RBM33: variants seen among roughly 807,000 people sequenced by gnomAD.
RBM33 encodes the protein RNA binding motif protein 33, also known as RNA-binding protein 33.
RBM33 carries 28 observed loss-of-function variants against 132.6 expected under a neutral mutation model. The ratio of observed to expected loss-of-function variants is 0.21; its 90% CI spans 0.16 to 0.29. The LOEUF is 0.29. RBM33 is among the 10% of genes least tolerant of loss of function. RBM33 has a pLI of 1.00. For synonymous variants in RBM33, 634 were observed against 593.0 expected (o/e 1.07, Z -1.01); for missense variants, 1,291 against 1,518.5 (o/e 0.85, Z 2.49).
chr7:155,665,218 G>T lies in RBM33; in HGVS notation c.87G>T (p.Ser29=), dbSNP rs374634280. The T allele has an allele frequency of 3.7e-6, 6 of 1,613,876 alleles. No homozygotes were observed. The South Asian group carries it at 5.5e-5, about 15-fold the overall frequency. The change falls in exon 2 of 18, where the codon TCG becomes TCT. Residue 29 remains serine (S), a synonymous_variant. Transcript: ENST00000401878. ...DQFDKPGAER[S]WRRRAADEDW... ...TTGATAAGCCTGGCGCGGAACGGTC[G>T]TGGAGAAGAAGAGCTGCTGATGAGG...
chr7:155,766,769 CT>C (rs1464953143), intron 16 of RBM33, 114 bp downstream of exon 16: 2 of 1,013,634 alleles, frequency 2.0e-6, no homozygotes, highest in African/African-American at 3.3e-5. Context: ...TAAAATAATA[CT>C]TGGGAAGTAA....
chr7:155,776,259 C>G lies in RBM33; in HGVS notation c.*1218C>G, dbSNP rs1019138488. 4 of 152,726 alleles carry G rather than the reference C, an allele frequency of 2.6e-5. No homozygotes were observed. The highest frequency in any genetic ancestry group is 9.6e-5 in the African/African-American group (4 of 41,574). 9.5% of individuals were successfully genotyped at this position (152,726 alleles called of 1,614,324 possible). ...ATTTTGGATATATTCTAAAGTGGAC[C>G]TGAGCTATTTGAGCAAATAATGATA... On this transcript the variant is annotated 3_prime_UTR_variant, in exon 18 of 18. Coordinates refer to ENST00000401878, the MANE Select transcript of RBM33 (RefSeq NM_053043.3). This position sits in a 1 kb window ranked among gnomAD's most constrained non-coding sequence, Gnocchi z 4.0.
intron 14 of RBM33, among the ~76,000 whole-genome samples, chr7:155,762,921 T>C (rs73167198): frequency 0.068 from 10,377 of 152,260 alleles, 567 homozygotes; most frequent in African/African-American, 0.15. Context: ...GTGTCTGCCG[T>C]CCTTGCTGTT....
Position 155,774,553 on chromosome 7 carries a change from C to T in RBM33, c.3376-6C>T. The T allele has an allele frequency of 1.2e-6, 2 of 1,607,694 alleles. No individual in the cohort carries two copies. The highest frequency in any genetic ancestry group is 1.7e-6 in the Non-Finnish European group (2 of 1,174,270). On this transcript the variant is annotated splice_region_variant and splice_polypyrimidine_tract_variant and intron_variant, in intron 16 of 17. Transcript: ENST00000401878. This position sits in a 1 kb window ranked among gnomAD's most constrained non-coding sequence, Gnocchi z 4.2. ...TGATCTTAAAGTGTTTGTTTTCTTC[C>T]TCTAGAGTTTACAGATGCTTCCTCA...
At chr7:155,671,284 A>G (rs1173820844) in intron 2 of RBM33, among the ~76,000 whole-genome samples, 2 of 152,222 alleles carry the variant, frequency 1.3e-5, no homozygotes, top group Non-Finnish European at 2.9e-5. Flanking sequence ...ATTCTCTTAT[A>G]ACTATCCTAT....
At chr7:155,726,683 C>G (rs921178677) in intron 9 of RBM33, among the ~76,000 whole-genome samples, 2 of 152,044 alleles carry the variant, frequency 1.3e-5, no homozygotes, top group African/African-American at 2.4e-5. Flanking sequence ...AATGTAGTAC[C>G]CTTATTCCCA....
chr7:155,645,734 A>C (rs1310804747), intron 1 of RBM33, among the ~76,000 whole-genome samples: 1 of 152,258 alleles, frequency 6.6e-6, no homozygotes, highest in Non-Finnish European at 1.5e-5. Flanking sequence ...AAACTTTGAA[A>C]AGATGGTAAA....
intron 14 of RBM33, among the ~76,000 whole-genome samples, chr7:155,746,240 T>C (rs185651369): frequency 6.6e-6 from 1 of 152,230 alleles, no homozygotes; most frequent in Non-Finnish European, 1.5e-5. Flanking sequence ...TTGTGGTGTA[T>C]AGCTTTAGAC....
At chr7:155,718,507 T>C in intron 9 of RBM33, 64 bp downstream of exon 9, 1 of 1,343,414 alleles carries the variant, frequency 7.4e-7, no homozygotes, top group Non-Finnish European at 1.1e-6. Context: ...GAAATATTAA[T>C]ATAGCAAGTG....
intron 1 of RBM33, among the ~76,000 whole-genome samples, chr7:155,656,223 G>A (rs145517692): frequency 6.2e-4 from 95 of 152,314 alleles, no homozygotes; most frequent in African/African-American, 2.2e-3. Context: ...TAACCAGTGT[G>A]ATTTTGTATA....
At chr7:155,760,326 G>A (rs141145059) in intron 14 of RBM33, among the ~76,000 whole-genome samples, 173 of 152,306 alleles carry the variant, frequency 1.1e-3, no homozygotes, top group African/African-American at 4.1e-3. Flanking sequence ...GTCCTTCTTA[G>A]AGAGCAAACC....
At chr7:155,761,652 A>T (rs1314756389) in intron 14 of RBM33, among the ~76,000 whole-genome samples, 1 of 151,982 alleles carries the variant, frequency 6.6e-6, no homozygotes, top group Admixed American at 6.5e-5. Context: ...TTATTTTGGT[A>T]ATTCATCTTC....
At chr7:155,713,515 G>GAGCAACCCCC (rs2116981391) in intron 8 of RBM33, among the ~76,000 whole-genome samples, 1 of 152,208 alleles carries the variant, frequency 6.6e-6, no homozygotes, top group African/African-American at 2.4e-5. Flanking sequence ...CAAAGGAGCC[G>GAGCAACCCCC]AGAGGGAGGA....
chr7:155,663,869 A>G (rs2116889181), intron 1 of RBM33, among the ~76,000 whole-genome samples: 1 of 152,268 alleles, frequency 6.6e-6, no homozygotes, highest in East Asian at 1.9e-4. Context: ...TCTGAGATGA[A>G]AACCTTTAAT....
chr7:155,761,152 G>C (rs1345924074), intron 14 of RBM33, among the ~76,000 whole-genome samples: 1 of 152,138 alleles, frequency 6.6e-6, no homozygotes, highest in Non-Finnish European at 1.5e-5. Context: ...TGCGCTTCTG[G>C]GATGAATCTT....
At chr7:155,677,166 C>T (rs1207645391) in intron 3 of RBM33, among the ~76,000 whole-genome samples, 1 of 151,840 alleles carries the variant, frequency 6.6e-6, no homozygotes, top group Non-Finnish European at 1.5e-5. Flanking sequence ...AGAACTGGCC[C>T]TGTGTGGATG....
At chr7:155,697,404 A>G (rs77803373) in intron 5 of RBM33, among the ~76,000 whole-genome samples, 99,399 of 151,460 alleles carry the variant, frequency 0.66, 33,222 homozygotes, top group South Asian at 0.77. Context: ...TTTTTCTTCT[A>G]ATTTTTGCAC....
At position 155,738,276 on chromosome 7, in the gene RBM33, C is replaced by T. The variant is rs771566923; in HGVS notation, c.1610C>T (p.Pro537Leu). The T allele has an allele frequency of 1.9e-5, 30 of 1,613,802 alleles. No homozygotes were observed. The highest frequency in any genetic ancestry group is 1.6e-4 in the Middle Eastern group (1 of 6,084). ...PVRPALQPPG[P>L]VGILHFSQPG... ...CGACCAGCCTTGCAGCCTCCAGGTC[C>T]GGTGGGGATTCTGCACTTTAGCCAG... Residue 537 changes from proline (P) to leucine (L), a missense_variant, in exon 11 of 18, where the codon CCG becomes CTG. Pro to Leu is a moderately conservative substitution (Grantham distance 98, BLOSUM62 -3). This residue lies in a region of RBM33 where 841 missense variants were observed against 912.0 expected (regional missense o/e 0.92). Transcript: ENST00000401878.
intron 5 of RBM33, among the ~76,000 whole-genome samples, chr7:155,699,691 T>C (rs1487620413): frequency 2.6e-5 from 4 of 152,192 alleles, no homozygotes; most frequent in Non-Finnish European, 5.9e-5. Flanking sequence ...GAAAGATCTT[T>C]TTCCACTGGG....
Sources: gnomAD v4.1 joint callset for allele counts (sites outside exome capture counted in the v4.1 genomes callset) on GRCh38, gnomAD v4.1.1 for gene constraint, gnomAD v4.1.1 regional missense constraint, Gnocchi (gnomAD v3.1) non-coding constraint, MANE v1.5 for transcripts, NCBI Gene and HGNC (gene_info 2026-07-23, HGNC 2026-07-21) for gene names.